Variants in ALK observed in about 807,000 individuals in gnomAD.
The protein encoded by ALK is ALK tyrosine kinase receptor.
ALK carries 74 observed loss-of-function variants against 163.1 expected under a neutral mutation model. The ratio of observed to expected loss-of-function variants is 0.45; its 90% CI spans 0.38 to 0.55. The LOEUF (loss-of-function observed/expected upper bound fraction) is 0.55. ALK is among the 20% of genes least tolerant of loss of function. ALK has a pLI of 0.00. For missense variants in ALK, 2,063 were observed against 2,105.3 expected, an observed-to-expected ratio of 0.98 and a Z score of 0.39; for synonymous variants, 960 against 843.2, an observed-to-expected ratio of 1.14 and a Z score of -2.40.
At position 29,346,182 on chromosome 2, in the gene ALK, C is replaced by T. The variant is rs551963126; in HGVS notation, c.1283-17701G>A. ...CCCTGTTTCTATTCCAATACATGAC[C>T]TGTATTTCTATTCACAAAACTCTTC... On this transcript the variant is annotated intron_variant, in intron 5 of 28. Coordinates refer to ENST00000389048, the MANE Select transcript of ALK (RefSeq NM_004304.5). Among the ~76,000 whole-genome samples the T allele has an allele frequency of 1.6e-4, 25 of 152,322 alleles. No homozygotes were observed. The East Asian group carries it at 4.4e-3, about 27-fold the overall frequency.
Position 29,804,107 on chromosome 2 carries a change from C to G in ALK, c.668-86410G>C, listed in dbSNP as rs1369550031. On this transcript the variant is annotated intron_variant, in intron 1 of 28. Coordinates refer to ENST00000389048, the MANE Select transcript of ALK (RefSeq NM_004304.5). ...AATCTCTTTTTCTTTTTGCTCATTA[C>G]AGCATTGCAAAATATAAAAGCCTGC... is the stretch of plus-strand genomic sequence containing the variant. Among the ~76,000 whole-genome samples, 3 of 152,226 alleles carry G rather than the reference C, an allele frequency of 2.0e-5. No homozygotes were observed. The East Asian group carries it at 5.8e-4, about 29-fold the overall frequency.
chr2:29,384,341 C>T (rs1051322180), intron 4 of ALK, among the ~76,000 whole-genome samples: 6 of 152,192 alleles, frequency 3.9e-5, no homozygotes, highest in South Asian at 2.1e-4. Context: ...TTACTTAAGA[C>T]GGAAGCTAGT....
chr2:29,816,567 C>G (rs1226818783), intron 1 of ALK, among the ~76,000 whole-genome samples: 1 of 152,110 alleles, frequency 6.6e-6, no homozygotes, highest in Non-Finnish European at 1.5e-5. Flanking sequence ...AAAGCCTTCC[C>G]AAGAGAGCAA....
intron 4 of ALK, among the ~76,000 whole-genome samples, chr2:29,457,026 G>T (rs1390071308): frequency 2.0e-5 from 3 of 152,188 alleles, no homozygotes; most frequent in Non-Finnish European, 4.4e-5. Flanking sequence ...CCAGTCTGGA[G>T]ACCCTGCTTT....
At chr2:29,893,062 G>A in intron 1 of ALK, among the ~76,000 whole-genome samples, 1 of 152,040 alleles carries the variant, frequency 6.6e-6, no homozygotes, top group East Asian at 1.9e-4. Context: ...TGATTTATGG[G>A]GCCATCTATT....
At chr2:29,696,725 G>A (rs957303663) in intron 2 of ALK, among the ~76,000 whole-genome samples, 2 of 151,674 alleles carry the variant, frequency 1.3e-5, no homozygotes, top group African/African-American at 4.8e-5. Context: ...TTCTGCACAC[G>A]TGTCGTATGA....
intron 6 of ALK, among the ~76,000 whole-genome samples, chr2:29,327,618 G>T (rs916539029): frequency 6.6e-6 from 1 of 152,170 alleles, no homozygotes; most frequent in Non-Finnish European, 1.5e-5. Context: ...TGATAAAAAT[G>T]TTCTAAAATA....
intron 9 of ALK, among the ~76,000 whole-genome samples, chr2:29,289,237 G>A (rs2148225553): frequency 6.6e-6 from 1 of 152,256 alleles, no homozygotes; most frequent in Non-Finnish European, 1.5e-5. Flanking sequence ...GCTCCAGGTG[G>A]GACCCCAGCC....
chr2:29,682,746 T>C (rs985995787), intron 3 of ALK, among the ~76,000 whole-genome samples: 1 of 152,202 alleles, frequency 6.6e-6, no homozygotes, highest in Non-Finnish European at 1.5e-5. Flanking sequence ...TGGCAATATA[T>C]AACCGAAAGA....
chr2:29,860,581 T>C (rs1666254433), intron 1 of ALK, among the ~76,000 whole-genome samples: 1 of 152,158 alleles, frequency 6.6e-6, no homozygotes, highest in Non-Finnish European at 1.5e-5. Context: ...AGAATACACA[T>C]TCTTCTCAAG....
At chr2:29,543,995 A>T (rs11676871) in intron 3 of ALK, among the ~76,000 whole-genome samples, 18,302 of 152,236 alleles carry the variant, frequency 0.12, 1,459 homozygotes, top group Non-Finnish European at 0.18. Flanking sequence ...ATGGATTTCC[A>T]TCTCAATCAA....
At chr2:29,635,485 G>A (rs1676494210) in intron 3 of ALK, among the ~76,000 whole-genome samples, 1 of 152,194 alleles carries the variant, frequency 6.6e-6, no homozygotes, top group South Asian at 2.1e-4. Flanking sequence ...AGGGATGTCA[G>A]CAGCTACCAG....
At chr2:29,582,190 A>G (rs1037630411) in intron 3 of ALK, among the ~76,000 whole-genome samples, 1 of 152,234 alleles carries the variant, frequency 6.6e-6, no homozygotes, top group Non-Finnish European at 1.5e-5. Flanking sequence ...ATGAGTGCCT[A>G]TGAGTGACAG....
chr2:29,659,599 G>C (rs1018560485), intron 3 of ALK, among the ~76,000 whole-genome samples: 1 of 152,096 alleles, frequency 6.6e-6, no homozygotes, highest in Non-Finnish European at 1.5e-5. Flanking sequence ...CATTCTCTCA[G>C]GGCTGGGGCT....
intron 4 of ALK, among the ~76,000 whole-genome samples, chr2:29,438,204 G>A (rs1670452319): frequency 6.6e-6 from 1 of 152,202 alleles, no homozygotes; most frequent in African/African-American, 2.4e-5. Flanking sequence ...AGGAAGACCT[G>A]CAGGTATTAT....
chr2:29,431,361 A>C (rs1670268149), intron 4 of ALK, among the ~76,000 whole-genome samples: 1 of 152,182 alleles, frequency 6.6e-6, no homozygotes, highest in African/African-American at 2.4e-5. Flanking sequence ...CATTCAGGCT[A>C]ATGGGTTAAG....
intron 4 of ALK, among the ~76,000 whole-genome samples, chr2:29,523,416 G>T (rs140272894): frequency 2.0e-5 from 3 of 152,162 alleles, no homozygotes; most frequent in Non-Finnish European, 4.4e-5. Context: ...CCCCTGGAAG[G>T]CTGAATGAGC....
At chr2:29,429,802 G>A (rs1384659084) in intron 4 of ALK, among the ~76,000 whole-genome samples, 2 of 152,170 alleles carry the variant, frequency 1.3e-5, no homozygotes, top group East Asian at 3.9e-4. Flanking sequence ...AACCAAGTAG[G>A]AGATTTTCTG....
intron 1 of ALK, among the ~76,000 whole-genome samples, chr2:29,718,153 A>T (rs1679317622): frequency 6.6e-6 from 1 of 152,106 alleles, no homozygotes; most frequent in African/African-American, 2.4e-5. Context: ...GAGGGCTGAA[A>T]CTGCACTCTG....
Sources: allele counts gnomAD v4.1 joint callset (sites outside exome capture counted in the v4.1 genomes callset), GRCh38; gene constraint gnomAD v4.1.1; transcripts MANE v1.5; gene names NCBI Gene and HGNC (gene_info 2026-07-23, HGNC 2026-07-21).